Variants in VSIG10L2 observed in about 807,000 individuals in gnomAD.
The protein encoded by VSIG10L2 is V-set and immunoglobulin domain-containing protein 10-like 2.
Under a neutral mutation model 67.1 loss-of-function variants are expected in VSIG10L2, and 56 were observed. The observed-to-expected ratio is 0.83, with a 90% CI of 0.67 to 1.04. The LOEUF (loss-of-function observed/expected upper bound fraction) is 1.04, where lower values mean the gene tolerates loss of function less well. Among genes scored for constraint, VSIG10L2 ranks in the 50% least tolerant of loss-of-function variants. VSIG10L2 has a pLI of 0.00. For missense variants in VSIG10L2, 843 were observed against 932.8 expected (o/e 0.90, Z 1.25); for synonymous variants, 360 against 396.6 (o/e 0.91, Z 1.10).
In VSIG10L2 at chr11:125,948,011, C is replaced by T; in HGVS notation, c.408C>T (p.Tyr136=). 8.1e-7 allele frequency: 1 copy of T among 1,232,386 alleles called. No individual in the cohort carries two copies. Among genetic ancestry groups the T allele is most frequent in the East Asian group, 3.2e-5 (1 of 31,708 alleles). 76.3% of individuals were successfully genotyped at this position (1,232,386 alleles called of 1,614,324 possible). ...CTGGCGGCCAGCTCCACGCTGCCTA[C>T]TCCCACCTCACGCTGGCTGTGCTGG... ...HVAGGQLHAA[Y]SHLTLAVLVP... is the part of the protein sequence containing the mutation. The change falls in exon 2 of 12, where the codon TAC becomes TAT. Residue 136 remains tyrosine, a synonymous_variant. Transcript: ENST00000686984.
At chr11:125,949,666 T>G (rs1945339466) in intron 3 of VSIG10L2, among the ~76,000 whole-genome samples, 1 of 152,176 alleles carries the variant, frequency 6.6e-6, no homozygotes, top group Non-Finnish European at 1.5e-5. Context: ...GTATCTTACT[T>G]CTGCAGTCTA....
chr11:125,955,137 C>A lies in VSIG10L2; in HGVS notation c.2164C>A (p.Leu722Met). The change falls in exon 9 of 12, where the codon CTG (leucine) becomes ATG (methionine). Residue 722 changes from leucine to methionine, a missense_variant. Leu to Met is a conservative substitution (Grantham distance 15). Coordinates refer to ENST00000686984, the MANE Select transcript of VSIG10L2 (RefSeq NM_001365077.2). ...GGTGGTAGCAACGGTGGCCTCTCTA[C>A]TGGTGTTCCAGTATGCTGCCCGGCA... ...GMVVATVASLLVFQYAARHPE... is the reference protein window; with the variant it reads ...GMVVATVASLMVFQYAARHPE... 1 of 1,246,522 alleles carries A rather than the reference C, an allele frequency of 8.0e-7. No homozygotes were observed. The highest frequency in any genetic ancestry group is 3.1e-5 in the East Asian group (1 of 32,214). The allele number at this position is 1,246,522 out of a possible 1,614,324, so 77.2% of individuals were successfully genotyped here. A position where few individuals can be genotyped will look rare whatever the true frequency, so the allele number is the denominator to read the frequency against.
Position 125,952,016 on chromosome 11 carries a change from A to G in VSIG10L2, c.1438A>G (p.Thr480Ala), listed in dbSNP as rs1055964223. 2 of 1,535,894 alleles carry G rather than the reference A, an allele frequency of 1.3e-6. No homozygotes were observed. The highest frequency in any genetic ancestry group is 1.4e-5 in the African/African-American group (1 of 73,042). ...AGAAGATCTGGCTGGCAGAGAGTTC[A>G]CCTGCCGGGGCACTCACCTGCTCAG... ...AQEDLAGREF[T>A]CRGTHLLRTP... The change falls in exon 6 of 12, where the codon ACC becomes GCC. Residue 480 changes from threonine to alanine, a missense_variant. By Grantham distance (58) the Thr-to-Ala change is moderately conservative (BLOSUM62 0). Around this residue, in one of 2 missense-constraint regions of VSIG10L2, gnomAD observed 397 missense variants for 384.4 expected, o/e 1.03. Transcript: ENST00000686984.
rs1945316297 is a variant in VSIG10L2 at position 125,947,730 on chromosome 11, T to C, written c.127T>C (p.Ser43Pro). The change falls in exon 2 of 12, where the codon TCT (serine) becomes CCT (proline). Residue 43 changes from serine (S) to proline (P), a missense_variant. Physicochemically the swap from Ser to Pro is moderately conservative, Grantham distance 74. Around this residue, in one of 2 missense-constraint regions of VSIG10L2, gnomAD observed 446 missense variants for 548.4 expected, o/e 0.81. Coordinates refer to ENST00000686984, the MANE Select transcript of VSIG10L2 (RefSeq NM_001365077.2). Reference protein sequence around the residue: ...TPEAPVEEVVSVQGVRGGSVE... With the variant: ...TPEAPVEEVVPVQGVRGGSVE... Reference sequence around the variant, plus strand: ...CGAGGCCCCTGTAGAGGAGGTGGTGTCTGTCCAGGGAGTGCGAGGTGGCTC... The same window carrying C: ...CGAGGCCCCTGTAGAGGAGGTGGTGCCTGTCCAGGGAGTGCGAGGTGGCTC... 1 of 1,232,048 alleles carries C rather than the reference T, an allele frequency of 8.1e-7. No individual in the cohort carries two copies. The highest frequency in any genetic ancestry group is 1.0e-6 in the Non-Finnish European group (1 of 988,040). The allele number at this position is 1,232,048 out of a possible 1,614,324, so 76.3% of individuals were successfully genotyped here.
intron 6 of VSIG10L2, among the ~76,000 whole-genome samples, chr11:125,952,701 TCTTC>T (rs1480182640): frequency 6.6e-6 from 1 of 152,260 alleles, no homozygotes; most frequent in African/African-American, 2.4e-5. Flanking sequence ...TTGGTCTGGT[TCTTC>T]CTTATCTTCA....
intron 6 of VSIG10L2, 119 bp downstream of exon 6, chr11:125,952,192 C>A: frequency 1.5e-6 from 2 of 1,334,296 alleles, no homozygotes; most frequent in Non-Finnish European, 2.0e-6. Context: ...TCAGTGCGGA[C>A]GGGGAAGCTA....
In VSIG10L2 at chr11:125,951,854, A is replaced by G. The variant is rs1274727598; in HGVS notation, c.1276A>G (p.Met426Val). 5.2e-6 allele frequency: 8 copies of G among 1,528,332 alleles called. No individual in the cohort carries two copies. The highest frequency in any genetic ancestry group is 2.7e-5 in the African/African-American group (2 of 72,940). The allele number at this position is 1,528,332 out of a possible 1,614,324, so 94.7% of individuals were successfully genotyped here. ...GRPTCWSTAT[M>V]GDQFIMLSCE... is the part of the protein sequence containing the mutation. ...GCCTACCTGCTGGAGCACAGCCACA[A>G]TGGGGGACCAGTTCATCATGCTGAG... Residue 426 changes from methionine (M) to valine (V), a missense_variant, in exon 6 of 12, where the codon ATG becomes GTG. Coordinates refer to ENST00000686984, the MANE Select transcript of VSIG10L2 (RefSeq NM_001365077.2).
intron 7 of VSIG10L2, 50 bp downstream of exon 7, chr11:125,953,740 C>T: frequency 8.1e-7 from 1 of 1,228,618 alleles, no homozygotes; most frequent in Non-Finnish European, 1.0e-6. Context: ...GGCTGGGAGA[C>T]CAACAGCCAC....
rs1945466178 is a variant in VSIG10L2 at position 125,955,992 on chromosome 11, C to T, written c.*78C>T. The T allele has an allele frequency of 1.6e-6, 1 of 644,552 alleles. No homozygotes were observed. Among genetic ancestry groups the T allele is most frequent in the Non-Finnish European group, 2.8e-6 (1 of 358,850 alleles). 39.9% of individuals were successfully genotyped at this position (644,552 alleles called of 1,614,324 possible). A position where few individuals can be genotyped will look rare whatever the true frequency, so the allele number is the denominator to read the frequency against. On this transcript the variant is annotated 3_prime_UTR_variant, in exon 12 of 12. Coordinates refer to ENST00000686984, the MANE Select transcript of VSIG10L2 (RefSeq NM_001365077.2). ...AAGAGCCCTTCTGTCAGACTTTGGTCATAAAACCAACGTAGCTAAGACACC... is the reference window on the plus strand; with the variant it reads ...AAGAGCCCTTCTGTCAGACTTTGGTTATAAAACCAACGTAGCTAAGACACC...
Position 125,947,816 on chromosome 11 carries a change from C to A in VSIG10L2, c.213C>A (p.Pro71=), listed in dbSNP as rs942443393. 11 of 1,232,494 alleles carry A rather than the reference C, an allele frequency of 8.9e-6. No homozygotes were observed. Among genetic ancestry groups the A allele is most frequent in the Admixed American group, 4.2e-5 (1 of 23,714 alleles). 76.3% of individuals were successfully genotyped at this position (1,232,494 alleles called of 1,614,324 possible). The part of the protein sequence containing the change: ...APLLVLWSFT[P]LGSLVPRPVA... ...TGCTGGTCCTCTGGAGCTTCACCCCCCTGGGCTCCCTGGTTCCCCGGCCTG... is the reference window on the plus strand; with the variant it reads ...TGCTGGTCCTCTGGAGCTTCACCCCACTGGGCTCCCTGGTTCCCCGGCCTG... The change falls in exon 2 of 12, where the codon CCC becomes CCA. Residue 71 remains proline (P), a synonymous_variant. Coordinates refer to ENST00000686984, the MANE Select transcript of VSIG10L2 (RefSeq NM_001365077.2).
rs770634145 is a variant in VSIG10L2, at chr11:125,946,187, A to G, written c.82+50A>G. ...GGGGTTCATTTCCCACTCCCATCCCATTATTCCTGCCACTTCCTGGGGGAT... is the reference window on the plus strand; with the variant it reads ...GGGGTTCATTTCCCACTCCCATCCCGTTATTCCTGCCACTTCCTGGGGGAT... On this transcript the variant is annotated intron_variant, in intron 1 of 11. Transcript: ENST00000686984. This position sits in a 1 kb window ranked among gnomAD's most constrained non-coding sequence, Gnocchi z 4.4. The G allele has an allele frequency of 7.5e-6, 3 of 398,728 alleles. No individual in the cohort carries two copies. The highest frequency in any genetic ancestry group is 2.1e-5 in the African/African-American group (1 of 48,630). 24.7% of individuals were successfully genotyped at this position (398,728 alleles called of 1,614,324 possible).
chr11:125,953,952 T>G (rs1261389148), intron 7 of VSIG10L2, 135 bp from the exon 8 acceptor site: 3 of 785,806 alleles, frequency 3.8e-6, no homozygotes, highest in Admixed American at 8.6e-5. Context: ...AGGCAGGGCT[T>G]CTCAGGTCCA....
In VSIG10L2 at chr11:125,952,053, C is replaced by T. The variant is rs1336607333; in HGVS notation, c.1475C>T (p.Pro492Leu). Residue 492 changes from proline to leucine, a missense_variant, in exon 6 of 12, where the codon CCC (proline) becomes CTC (leucine). By Grantham distance (98) the Pro-to-Leu change is moderately conservative. Transcript: ENST00000686984. ...ACTCACCTGCTCAGGACCCCTGACCCCCACTGCCACCTCCAGCTGGGTGAG... is the reference window on the plus strand; with the variant it reads ...ACTCACCTGCTCAGGACCCCTGACCTCCACTGCCACCTCCAGCTGGGTGAG... The part of the protein sequence containing the change: ...RGTHLLRTPD[P>L]HCHLQLEAPQ... The T allele has an allele frequency of 2.0e-6, 3 of 1,534,628 alleles. No individual in the cohort carries two copies. The highest frequency in any genetic ancestry group is 2.4e-5 in the East Asian group (1 of 40,886).
rs1192507257 is a variant in VSIG10L2, at chr11:125,946,429, A to G, written c.82+292A>G. ...AGAAAGCTCCCTGGTTTTGAGGGGGATTAGGGCAATCAGGAGATCATTGCC... is the reference window on the plus strand; with the variant it reads ...AGAAAGCTCCCTGGTTTTGAGGGGGGTTAGGGCAATCAGGAGATCATTGCC... On this transcript the variant is annotated intron_variant, in intron 1 of 11. Transcript: ENST00000686984. This position sits in a 1 kb window ranked among gnomAD's most constrained non-coding sequence, Gnocchi z 4.4. Among the ~76,000 whole-genome samples, 1 of 152,040 alleles carries G rather than the reference A, an allele frequency of 6.6e-6. No homozygotes were observed. The highest frequency in any genetic ancestry group is 2.4e-5 in the African/African-American group (1 of 41,404).
In VSIG10L2 at chr11:125,946,482, T is replaced by C. The variant is rs1945304246; in HGVS notation, c.82+345T>C. On this transcript the variant is annotated intron_variant, in intron 1 of 11. Transcript: ENST00000686984. This position sits in a 1 kb window ranked among gnomAD's most constrained non-coding sequence, Gnocchi z 4.4. ...AATCCAGGTGAGAGATGCTGGCATC[T>C]TGGGCCAAAGCAATGTCCATGGGGT... Among the ~76,000 whole-genome samples the C allele has an allele frequency of 6.6e-6, 1 of 152,132 alleles. No individual in the cohort carries two copies. The highest frequency in any genetic ancestry group is 1.5e-5 in the Non-Finnish European group (1 of 68,030).
At position 125,950,959 on chromosome 11, in the gene VSIG10L2, T is replaced by G; in HGVS notation, c.1035T>G (p.Ala345=). 8.1e-7 allele frequency: 1 copy of G among 1,232,318 alleles called. No homozygotes were observed. Among genetic ancestry groups the G allele is most frequent in the Non-Finnish European group, 1.0e-6 (1 of 988,124 alleles). 76.3% of individuals were successfully genotyped at this position (1,232,318 alleles called of 1,614,324 possible). A position where few individuals can be genotyped will look rare whatever the true frequency, so the allele number is the denominator to read the frequency against. Residue 345 remains alanine, a synonymous_variant, in exon 5 of 12, where the codon GCT becomes GCG. Transcript: ENST00000686984. The part of the protein sequence containing the change: ...PSCAVHPSPE[A]VTLLCAWPGG... ...GTGCAGTGCATCCCAGCCCTGAGGC[T>G]GTGACCCTGCTCTGTGCCTGGCCTG...
intron 3 of VSIG10L2, among the ~76,000 whole-genome samples, chr11:125,949,347 A>G (rs1945334927): frequency 6.6e-6 from 1 of 152,138 alleles, no homozygotes; most frequent in Admixed American, 6.5e-5. Flanking sequence ...GCATCCGCCT[A>G]TTGGACGGTG....
At position 125,955,472 on chromosome 11, in the gene VSIG10L2, CT is replaced by C; in HGVS notation, c.2207-8del. 1.3e-6 allele frequency: 1 copy of C among 756,836 alleles called. No homozygotes were observed. The highest frequency in any genetic ancestry group is 2.1e-6 in the Non-Finnish European group (1 of 478,890). 46.9% of individuals were successfully genotyped at this position (756,836 alleles called of 1,614,324 possible). On this transcript the variant is annotated splice_polypyrimidine_tract_variant and intron_variant, in intron 9 of 11. Coordinates refer to ENST00000686984, the MANE Select transcript of VSIG10L2 (RefSeq NM_001365077.2). Reference sequence around the variant, plus strand: ...GCCAAGTAATGCTCCTTTTCTTTTCCTTCCTACAGGCCTTGGTCAATTGCTT... The same window carrying C: ...GCCAAGTAATGCTCCTTTTCTTTTCCTCCTACAGGCCTTGGTCAATTGCTT...
At chr11:125,950,774 A>G (rs1945357122) in intron 4 of VSIG10L2, 136 bp from the exon 5 acceptor site, 3 of 826,306 alleles carry the variant, frequency 3.6e-6, no homozygotes, top group Non-Finnish European at 3.2e-6. Flanking sequence ...GAGAGACTCA[A>G]TCTTTCCCCT....
Sources: gnomAD v4.1 joint callset for allele counts (sites outside exome capture counted in the v4.1 genomes callset) on GRCh38, gnomAD v4.1.1 for gene constraint, gnomAD v4.1.1 regional missense constraint, Gnocchi (gnomAD v3.1) non-coding constraint, MANE v1.5 for transcripts, NCBI Gene and HGNC (gene_info 2026-07-23, HGNC 2026-07-21) for gene names.